Variants in ARHGAP22 observed in about 807,000 individuals in gnomAD.
The protein encoded by ARHGAP22 is Rho GTPase activating protein 22.
In ARHGAP22, 48 loss-of-function variants were observed where a neutral mutation model predicts 59.1. That is an observed-to-expected ratio of 0.81 (90% CI 0.64 to 1.03). The LOEUF (loss-of-function observed/expected upper bound fraction) is 1.03, where lower values mean the gene tolerates loss of function less well. Ranked by LOEUF, ARHGAP22 falls within the 50% of genes least tolerant of loss-of-function variation. The pLI, the probability that ARHGAP22 is intolerant of heterozygous loss-of-function variation, is 0.00. For missense variants in ARHGAP22, 1,015 were observed against 958.7 expected (o/e 1.06, Z -0.78); for synonymous variants, 445 against 416.4 (o/e 1.07, Z -0.84).
intron 3 of ARHGAP22, among the ~76,000 whole-genome samples, chr10:48,490,925 A>T (rs1471167463): frequency 2.0e-5 from 3 of 151,998 alleles, no homozygotes; most frequent in African/African-American, 7.3e-5. Context: ...TCTCCTATCC[A>T]TTCCTCTCAG....
At chr10:48,618,982 A>G (rs994657537) in intron 1 of ARHGAP22, among the ~76,000 whole-genome samples, 1 of 152,134 alleles carries the variant, frequency 6.6e-6, no homozygotes, top group Admixed American at 6.5e-5. Flanking sequence ...TCTTAGAACT[A>G]ATAAACAAAT....
At chr10:48,508,756 G>A (rs1354533595) in intron 3 of ARHGAP22, among the ~76,000 whole-genome samples, 1 of 152,264 alleles carries the variant, frequency 6.6e-6, no homozygotes, top group Non-Finnish European at 1.5e-5. Flanking sequence ...TGTATGGGAG[G>A]CACTGCCCAG....
At chr10:48,466,332 G>A (rs1052419230) in intron 4 of ARHGAP22, among the ~76,000 whole-genome samples, 4 of 151,926 alleles carry the variant, frequency 2.6e-5, no homozygotes, top group Non-Finnish European at 5.9e-5. Context: ...GCAGGAGATT[G>A]AAGGACGCCT....
intron 3 of ARHGAP22, among the ~76,000 whole-genome samples, chr10:48,551,782 T>C (rs1590124855): frequency 6.6e-6 from 1 of 152,236 alleles, no homozygotes; most frequent in Admixed American, 6.5e-5. Flanking sequence ...GGTTCTCAGG[T>C]GCTTTTGGAA....
At chr10:48,434,081 G>A in the ARHGAP22 span, among the ~76,000 whole-genome samples, 1 of 152,134 alleles carries the variant, frequency 6.6e-6, no homozygotes, top group Non-Finnish European at 1.5e-5. Context: ...ATCCCCTTGA[G>A]AGGATTTCTG....
intron 2 of ARHGAP22, among the ~76,000 whole-genome samples, chr10:48,558,351 G>GT (rs1319859649): frequency 6.5e-5 from 9 of 139,328 alleles, no homozygotes; most frequent in Non-Finnish European, 9.4e-5. Context: ...TTTTTTTTTT[G>GT]TTTTTTTGTT....
chr10:48,527,048 A>C (rs1257696230), intron 3 of ARHGAP22, among the ~76,000 whole-genome samples: 2 of 152,236 alleles, frequency 1.3e-5, no homozygotes, highest in Non-Finnish European at 2.9e-5. Flanking sequence ...ATCTCAGTTA[A>C]CCACAGGACA....
At chr10:48,517,130 C>T (rs550359936) in intron 3 of ARHGAP22, among the ~76,000 whole-genome samples, 203 of 152,204 alleles carry the variant, frequency 1.3e-3, no homozygotes, top group Admixed American at 7.6e-3. Flanking sequence ...GGTTTCTTTC[C>T]GGGGTGATGA....
intron 1 of ARHGAP22, among the ~76,000 whole-genome samples, chr10:48,647,350 G>A (rs752589425): frequency 7.2e-5 from 11 of 152,096 alleles, no homozygotes; most frequent in African/African-American, 1.9e-4. Flanking sequence ...CCGAGATCAC[G>A]CCATTGCACT....
At chr10:48,474,251 T>C (rs1366344766) in intron 4 of ARHGAP22, among the ~76,000 whole-genome samples, 3 of 152,262 alleles carry the variant, frequency 2.0e-5, no homozygotes, top group African/African-American at 4.8e-5. Context: ...TTTCAGTTTG[T>C]TCATGGCTAC....
At chr10:48,434,029 T>C in the ARHGAP22 span, among the ~76,000 whole-genome samples, 1 of 152,212 alleles carries the variant, frequency 6.6e-6, no homozygotes, top group Admixed American at 6.5e-5. Context: ...TAACTATCCT[T>C]CATCCCCCAG....
intron 3 of ARHGAP22, among the ~76,000 whole-genome samples, chr10:48,548,068 T>C (rs116001906): frequency 0.012 from 1,826 of 152,284 alleles, 31 homozygotes; most frequent in African/African-American, 0.042. Flanking sequence ...GGGGTAGGCA[T>C]GTAGCTTAAG....
intron 2 of ARHGAP22, among the ~76,000 whole-genome samples, chr10:48,571,289 C>A (rs2058377696): frequency 6.6e-6 from 1 of 152,116 alleles, no homozygotes; most frequent in Non-Finnish European, 1.5e-5. Context: ...GGGAGTCTGT[C>A]CATTTGTCTT....
chr10:48,560,283 G>C (rs1236404614), intron 2 of ARHGAP22, among the ~76,000 whole-genome samples: 1 of 152,112 alleles, frequency 6.6e-6, no homozygotes, highest in Non-Finnish European at 1.5e-5. Context: ...TCAATTTGGG[G>C]AGAATTGACA....
At chr10:48,606,019 CT>C (rs1316887480), upstream of ARHGAP22, among the ~76,000 whole-genome samples, 2 of 152,196 alleles carry the variant, frequency 1.3e-5, no homozygotes, top group Admixed American at 6.5e-5. Flanking sequence ...GAACGGTGAC[CT>C]GCCTCTGTGC....
chr10:48,458,935 C>A (rs561508199), intron 5 of ARHGAP22, among the ~76,000 whole-genome samples: 1 of 152,134 alleles, frequency 6.6e-6, no homozygotes, highest in Non-Finnish European at 1.5e-5. Flanking sequence ...GTTCTGCCCC[C>A]AGAGGAGAAG....
chr10:48,482,784 T>C (rs1289485050), intron 3 of ARHGAP22, among the ~76,000 whole-genome samples: 2 of 152,234 alleles, frequency 1.3e-5, no homozygotes. Context: ...TTCCTATGTG[T>C]TGGGAACATT....
intron 1 of ARHGAP22, among the ~76,000 whole-genome samples, chr10:48,588,105 T>C (rs1743176070): frequency 6.6e-6 from 1 of 152,358 alleles, no homozygotes; most frequent in African/African-American, 2.4e-5. Flanking sequence ...GCACATTCTG[T>C]GCCCTGATGC....
Position 48,479,650 on chromosome 10 carries a change from G to A in ARHGAP22, c.437C>T (p.Ala146Val). 1.2e-6 allele frequency: 2 copies of A among 1,613,790 alleles called. No homozygotes were observed. Among genetic ancestry groups the A allele is most frequent in the Non-Finnish European group, 1.7e-6 (2 of 1,179,956 alleles). ...ACGGGCAGTACCTCCGCCCAGCGGG[G>A]CCCAGATGACTCGGCGGATGGCCTG... is the stretch of plus-strand genomic sequence containing the variant. ...WVQAIRRVIW[A>V]PLGGGIFGQR... The change falls in exon 4 of 10, where the codon GCC (alanine) becomes GTC (valine). Residue 146 changes from alanine (A) to valine (V), a missense_variant. By Grantham distance (64) the Ala-to-Val change is moderately conservative. Transcript: ENST00000249601.
Sources: allele counts gnomAD v4.1 joint callset (sites outside exome capture counted in the v4.1 genomes callset), GRCh38; gene constraint gnomAD v4.1.1; transcripts MANE v1.5; gene names NCBI Gene and HGNC (gene_info 2026-07-23, HGNC 2026-07-21).